The following PLEKHA8 variants were observed in gnomAD, a reference collection of about 807,000 sequenced individuals.
The protein encoded by PLEKHA8 is pleckstrin homology domain-containing family A member 8.
A neutral mutation model predicts 68.2 loss-of-function variants in PLEKHA8; 36 were observed. That is an observed-to-expected ratio of 0.53 (90% CI 0.40 to 0.70). The LOEUF (loss-of-function observed/expected upper bound fraction) is 0.70, where lower values mean the gene tolerates loss of function less well. Ranked by LOEUF, PLEKHA8 falls within the 30% of genes least tolerant of loss-of-function variation. The probability of loss-of-function intolerance (pLI) is 0.00; values close to 1 mark genes in which losing one functional copy is unlikely to be tolerated. For missense variants in PLEKHA8, 505 were observed against 615.4 expected (o/e 0.82, Z 1.90); for synonymous variants, 211 against 216.1 (o/e 0.98, Z 0.20).
chr7:30,090,631 C>T (rs2128005570), exon 13 of PLEKHA8: 2 of 262,594 alleles, frequency 7.6e-6, no homozygotes, highest in South Asian at 2.9e-4. Context: ...TATAAGAGCA[C>T]TAATGCCCTC....
rs183377152 is a variant in PLEKHA8, at chr7:30,073,532, C to G, written c.1301-539C>G. On this transcript the variant is annotated intron_variant, in intron 12 of 13. Transcript: ENST00000449726. Reference sequence around the variant, plus strand: ...CTGAAGTTCAGATATATTGATTGACCCAGAGTAAGAGTGGAAGTATTTGTG... The same window carrying G: ...CTGAAGTTCAGATATATTGATTGACGCAGAGTAAGAGTGGAAGTATTTGTG... 4.2e-5 allele frequency among the ~76,000 whole-genome samples: 6 copies of G among 142,060 alleles called. No individual in the cohort carries two copies. The East Asian group carries it at 1.2e-3, about 29-fold the overall frequency. The allele number at this position is 142,060 out of a possible 152,430, so 93.2% of individuals were successfully genotyped here. A position where few individuals can be genotyped will look rare whatever the true frequency, so the allele number is the denominator to read the frequency against.
At chr7:30,078,354 C>T (rs1354251197) in intron 13 of PLEKHA8, among the ~76,000 whole-genome samples, 1 of 152,172 alleles carries the variant, frequency 6.6e-6, no homozygotes, top group Non-Finnish European at 1.5e-5. Flanking sequence ...CATTATTTAT[C>T]CTTAAGGTGG....
chr7:30,080,962 C>T lies in PLEKHA8; in HGVS notation c.*2175C>T. Reference sequence around the variant, plus strand: ...GCAGTGTGATCATTCTAAACAGCTGCTGGTGCTCCCTGTCACCTCAGGTGA... The same window carrying T: ...GCAGTGTGATCATTCTAAACAGCTGTTGGTGCTCCCTGTCACCTCAGGTGA... On this transcript the variant is annotated 3_prime_UTR_variant, in exon 14 of 14. Transcript: ENST00000449726. The T allele has an allele frequency of 1.0e-6, 1 of 985,380 alleles. No individual in the cohort carries two copies. Among genetic ancestry groups the T allele is most frequent in the East Asian group, 1.1e-4 (1 of 8,814 alleles). 61.0% of individuals were successfully genotyped at this position (985,380 alleles called of 1,614,324 possible). A position where few individuals can be genotyped will look rare whatever the true frequency, so the allele number is the denominator to read the frequency against.
intron 12 of PLEKHA8, among the ~76,000 whole-genome samples, chr7:30,065,919 A>G (rs930163183): frequency 6.6e-6 from 1 of 151,918 alleles, no homozygotes; most frequent in African/African-American, 2.4e-5. Flanking sequence ...AATGCAGACT[A>G]TCCGGTTCCA....
At chr7:30,049,857 C>T (rs1444683797) in intron 5 of PLEKHA8, among the ~76,000 whole-genome samples, 4 of 152,188 alleles carry the variant, frequency 2.6e-5, no homozygotes, top group Non-Finnish European at 5.9e-5. Flanking sequence ...GTTAATAATT[C>T]CTTCCACTCC....
rs576410190 is a variant in PLEKHA8, at chr7:30,079,466, G to C, written c.*679G>C. On this transcript the variant is annotated 3_prime_UTR_variant, in exon 14 of 14. Transcript: ENST00000449726. ...CCCCAAGTTGGAGGGGAGAATATGAGAGAGGTGGGACAGGTCATTTGAGAT... is the reference window on the plus strand; with the variant it reads ...CCCCAAGTTGGAGGGGAGAATATGACAGAGGTGGGACAGGTCATTTGAGAT... The C allele has an allele frequency of 5.1e-6, 5 of 985,290 alleles. No homozygotes were observed. In the African/African-American group the frequency reaches 7.0e-5, roughly 14 times the overall value. 61.0% of individuals were successfully genotyped at this position (985,290 alleles called of 1,614,324 possible). A position where few individuals can be genotyped will look rare whatever the true frequency, so the allele number is the denominator to read the frequency against.
At chr7:30,028,907 T>C (rs1457973754) in intron 1 of PLEKHA8, 105 bp downstream of exon 1, 2 of 1,157,266 alleles carry the variant, frequency 1.7e-6, no homozygotes, top group African/African-American at 3.2e-5. Context: ...CACGGCCCTT[T>C]CCTGAGGCCA....
chr7:30,102,982 T>C (rs1312829995), intron 13 of PLEKHA8, among the ~76,000 whole-genome samples: 2 of 152,154 alleles, frequency 1.3e-5, no homozygotes, highest in Non-Finnish European at 2.9e-5. Flanking sequence ...AGGCAGAGGA[T>C]TGCCTGAGCC....
chr7:30,100,175 A>G (rs1283516078), intron 13 of PLEKHA8, among the ~76,000 whole-genome samples: 1 of 152,232 alleles, frequency 6.6e-6, no homozygotes, highest in Non-Finnish European at 1.5e-5. Flanking sequence ...CTAATTCAGT[A>G]TGACCCCATC....
At position 30,045,272 on chromosome 7, in the gene PLEKHA8, C is replaced by G. The variant is rs562072685; in HGVS notation, c.157+71C>G. 1.9e-4 allele frequency: 208 copies of G among 1,074,278 alleles called. 1 individual carries two copies. Among genetic ancestry groups the G allele is most frequent in the Non-Finnish European group, 2.8e-4 (202 of 718,218 alleles). 66.5% of individuals were successfully genotyped at this position (1,074,278 alleles called of 1,614,324 possible). A position where few individuals can be genotyped will look rare whatever the true frequency, so the allele number is the denominator to read the frequency against. ...CCCTCAAAAACAAAAAAGCCCCTGG[C>G]CCCTGCATACCTTTCTCTGCTGCTC... On this transcript the variant is annotated intron_variant, in intron 2 of 13. Coordinates refer to ENST00000449726, the MANE Select transcript of PLEKHA8 (RefSeq NM_001197026.2).
At chr7:30,034,733 C>T (rs896286903) in intron 1 of PLEKHA8, among the ~76,000 whole-genome samples, 6 of 152,064 alleles carry the variant, frequency 3.9e-5, no homozygotes, top group African/African-American at 1.4e-4. Flanking sequence ...GAAGAAAATC[C>T]GCATGTGCAC....
At chr7:30,055,397 T>C (rs1792763775) in intron 9 of PLEKHA8, 55 bp downstream of exon 9, 1 of 1,515,458 alleles carries the variant, frequency 6.6e-7, no homozygotes, top group East Asian at 2.3e-5. Context: ...TGCCTCACTG[T>C]AGTTATTTTG....
chr7:30,110,971 C>A (rs1796255274), intron 13 of PLEKHA8, among the ~76,000 whole-genome samples: 1 of 150,570 alleles, frequency 6.6e-6, no homozygotes, highest in Non-Finnish European at 1.5e-5. Context: ...GTGGCGCGAT[C>A]TTGGCGCACT....
chr7:30,037,781 T>C (rs1301514694), intron 1 of PLEKHA8, among the ~76,000 whole-genome samples: 1 of 152,076 alleles, frequency 6.6e-6, no homozygotes, highest in Admixed American at 6.6e-5. Flanking sequence ...ACAGTAGTTC[T>C]TATGGATTTT....
At chr7:30,114,497 G>A (rs1040861470) in intron 13 of PLEKHA8, among the ~76,000 whole-genome samples, 71 of 152,168 alleles carry the variant, frequency 4.7e-4, no homozygotes, top group African/African-American at 1.6e-3. Context: ...GGTTTGTTCC[G>A]TTCTTGGTGT....
At position 30,120,181 on chromosome 7, in the gene PLEKHA8, A is replaced by C. The variant is rs186189145; in HGVS notation, c.1363-9085A>C. Among the ~76,000 whole-genome samples, 416 of 151,454 alleles carry C rather than the reference A, an allele frequency of 2.7e-3. 4 individuals carry two copies. Among genetic ancestry groups the C allele is most frequent in the East Asian group, 9.5e-3 (49 of 5,146 alleles). The stretch of plus-strand genomic sequence containing the variant: ...TAAAAAAAAAAAAACAAAAAAAAAA[A>C]CAGAAAATAACATGTTGGCAGGTGT... On this transcript the variant is annotated intron_variant, in intron 13 of 13. Coordinates refer to the PLEKHA8 transcript ENST00000396257.
downstream of PLEKHA8, among the ~76,000 whole-genome samples, chr7:30,086,051 T>C (rs534804125): frequency 6.6e-6 from 1 of 152,182 alleles, no homozygotes; most frequent in Non-Finnish European, 1.5e-5. Flanking sequence ...CCTTTTTACT[T>C]GCACTAATTT....
chr7:30,046,490 T>C, intron 3 of PLEKHA8, 125 bp downstream of exon 3: 1 of 1,072,142 alleles, frequency 9.3e-7, no homozygotes, highest in Non-Finnish European at 1.3e-6. Flanking sequence ...AAATGCTGTG[T>C]ATCTTAGTAT....
intron 13 of PLEKHA8, among the ~76,000 whole-genome samples, chr7:30,078,229 T>C (rs572152774): frequency 2.0e-5 from 3 of 152,268 alleles, no homozygotes; most frequent in African/African-American, 7.2e-5. Flanking sequence ...ATAAAGACCA[T>C]GATGGCAACA....
Sources: allele counts gnomAD v4.1 joint callset (sites outside exome capture counted in the v4.1 genomes callset), GRCh38; gene constraint gnomAD v4.1.1; transcripts MANE v1.5; gene names NCBI Gene and HGNC (gene_info 2026-07-23, HGNC 2026-07-21).